Variants in CNTN4 observed in about 807,000 individuals in gnomAD.
CNTN4 encodes contactin 4.
In CNTN4, 77 loss-of-function variants were observed where a neutral mutation model predicts 122.5. The observed-to-expected ratio is 0.63, with a 90% CI of 0.52 to 0.76. The LOEUF (loss-of-function observed/expected upper bound fraction) is 0.76, where lower values mean the gene tolerates loss of function less well. Ranked by LOEUF, CNTN4 falls within the 30% of genes least tolerant of loss-of-function variation. The probability of loss-of-function intolerance (pLI) is 0.00; values close to 1 mark genes in which losing one functional copy is unlikely to be tolerated. For synonymous variants in CNTN4, 512 were observed against 447.0 expected (o/e 1.15, Z -1.83); for missense variants, 1,256 against 1,259.1 (o/e 1.00, Z 0.04).
chr3:2,778,071 G>T (rs571650345), intron 6 of CNTN4, among the ~76,000 whole-genome samples: 3 of 148,168 alleles, frequency 2.0e-5, no homozygotes, highest in East Asian at 2.1e-4. Context: ...AAAATTAGCC[G>T]GGCGTGGTGG....
rs533340039 is a variant in CNTN4 at position 2,495,753 on chromosome 3, T to C, written c.-88-75663T>C. Among the ~76,000 whole-genome samples the C allele has an allele frequency of 6.6e-5, 10 of 152,298 alleles. No individual in the cohort carries two copies. The South Asian group carries it at 1.9e-3, about 28-fold the overall frequency. On this transcript the variant is annotated intron_variant, in intron 3 of 24. Coordinates refer to ENST00000418658, the MANE Select transcript of CNTN4 (RefSeq NM_175607.3). ...GGGGAACAGTTTCATCTTGAAGCCA[T>C]ACTCCCCTTGCCTGGTCCGTGGAAA...
intron 6 of CNTN4, among the ~76,000 whole-genome samples, chr3:2,804,288 G>A (rs2092414960): frequency 6.6e-6 from 1 of 151,962 alleles, no homozygotes; most frequent in Non-Finnish European, 1.5e-5. Flanking sequence ...TGTTTTCTTT[G>A]TTTGCCTAAT....
chr3:2,192,867 G>A (rs2037648552), intron 2 of CNTN4, among the ~76,000 whole-genome samples: 1 of 152,072 alleles, frequency 6.6e-6, no homozygotes, highest in Non-Finnish European at 1.5e-5. Context: ...GTTGTCATGG[G>A]CGACATGGTG....
chr3:2,193,195 C>G (rs540911839), intron 2 of CNTN4, among the ~76,000 whole-genome samples: 1 of 152,284 alleles, frequency 6.6e-6, no homozygotes, highest in East Asian at 1.9e-4. Flanking sequence ...TATCTATTAT[C>G]TCTTCAGTAC....
intron 6 of CNTN4, among the ~76,000 whole-genome samples, chr3:2,749,318 G>A (rs953322437): frequency 5.1e-5 from 7 of 136,718 alleles, no homozygotes; most frequent in Admixed American, 3.2e-4. Context: ...ACACCACCAT[G>A]CCCAGATAAG....
intron 4 of CNTN4, among the ~76,000 whole-genome samples, chr3:2,723,681 T>C (rs2088012049): frequency 6.6e-6 from 1 of 152,232 alleles, no homozygotes; most frequent in South Asian, 2.1e-4. Flanking sequence ...GCCTTACCTC[T>C]AAATACTGTT....
intron 6 of CNTN4, among the ~76,000 whole-genome samples, chr3:2,812,630 C>A (rs574839799): frequency 2.0e-5 from 3 of 151,816 alleles, no homozygotes; most frequent in African/African-American, 7.3e-5. Context: ...TTACTTTATC[C>A]GGTGGAAGTT....
chr3:2,165,030 T>C (rs1347088359), intron 2 of CNTN4, among the ~76,000 whole-genome samples: 1 of 152,018 alleles, frequency 6.6e-6, no homozygotes, highest in Middle Eastern at 3.2e-3. Flanking sequence ...TGCATTAATA[T>C]CACCTAAGGT....
At chr3:2,163,682 A>G (rs1392666339) in intron 2 of CNTN4, among the ~76,000 whole-genome samples, 1 of 152,192 alleles carries the variant, frequency 6.6e-6, no homozygotes, top group Non-Finnish European at 1.5e-5. Context: ...AAAGTGGGCA[A>G]AGGACATGAA....
intron 4 of CNTN4, among the ~76,000 whole-genome samples, chr3:2,661,775 C>T (rs909302014): frequency 2.9e-5 from 4 of 136,564 alleles, no homozygotes; most frequent in Non-Finnish European, 6.1e-5. Context: ...CGCCATTGCA[C>T]TGCAGCCTGG....
At position 2,939,639 on chromosome 3, in the gene CNTN4, T is replaced by C. The variant is rs2094595862; in HGVS notation, c.1358+13860T>C. Among the ~76,000 whole-genome samples, 3 of 152,194 alleles carry C rather than the reference T, an allele frequency of 2.0e-5. No homozygotes were observed. In the South Asian group the frequency reaches 6.2e-4, roughly 31 times the overall value. ...GTGTAAGATGCATTATGTGATGGGA[T>C]GTATTCCTCCAAGCAAGATCACTTA... On this transcript the variant is annotated intron_variant, in intron 13 of 24. Transcript: ENST00000418658.
intron 3 of CNTN4, among the ~76,000 whole-genome samples, chr3:2,512,505 T>C (rs971566256): frequency 2.6e-5 from 4 of 152,236 alleles, no homozygotes; most frequent in African/African-American, 9.6e-5. Flanking sequence ...AATGTTTGCA[T>C]GATGTCTTTC....
chr3:2,628,918 T>TC (rs1401828347), intron 4 of CNTN4, among the ~76,000 whole-genome samples: 2 of 152,222 alleles, frequency 1.3e-5, no homozygotes, highest in African/African-American at 2.4e-5. Flanking sequence ...GAGAAAAGCT[T>TC]CCCCAGTTGT....
At chr3:2,314,027 C>T (rs1186695783) in intron 2 of CNTN4, among the ~76,000 whole-genome samples, 1 of 152,000 alleles carries the variant, frequency 6.6e-6, no homozygotes, top group Non-Finnish European at 1.5e-5. Flanking sequence ...TTTTATAACA[C>T]CTTTTAAAAT....
intron 3 of CNTN4, among the ~76,000 whole-genome samples, chr3:2,498,468 T>C (rs1216102212): frequency 6.6e-6 from 1 of 151,686 alleles, no homozygotes; most frequent in Non-Finnish European, 1.5e-5. Context: ...TTAGCCATTC[T>C]TTTTGTTGTT....
chr3:2,737,997 G>C (rs1464402555), intron 5 of CNTN4, among the ~76,000 whole-genome samples: 1 of 152,086 alleles, frequency 6.6e-6, no homozygotes, highest in Non-Finnish European at 1.5e-5. Context: ...AAGAGACAAA[G>C]GGAAGCAAAA....
At chr3:2,455,939 TATTAA>T (rs2048983084) in intron 3 of CNTN4, among the ~76,000 whole-genome samples, 2 of 152,116 alleles carry the variant, frequency 1.3e-5, no homozygotes, top group South Asian at 4.1e-4. Context: ...TATTCAAATA[TATTAA>T]ATTCAAATTG....
At chr3:2,664,694 G>T (rs992789349) in intron 4 of CNTN4, among the ~76,000 whole-genome samples, 1 of 152,072 alleles carries the variant, frequency 6.6e-6, no homozygotes, top group African/African-American at 2.4e-5. Flanking sequence ...TATTCTCCAG[G>T]TTTTCTTGGA....
chr3:2,137,852 G>C (rs2034779071), intron 2 of CNTN4, among the ~76,000 whole-genome samples: 3 of 152,174 alleles, frequency 2.0e-5, no homozygotes, highest in South Asian at 4.1e-4. Context: ...TACTGCATCT[G>C]AGTGTTGCAA....
Sources: allele counts gnomAD v4.1 joint callset (sites outside exome capture counted in the v4.1 genomes callset), GRCh38; gene constraint gnomAD v4.1.1; transcripts MANE v1.5; gene names NCBI Gene and HGNC (gene_info 2026-07-23, HGNC 2026-07-21).